Variants in FOXP2 observed in about 807,000 individuals in gnomAD.
FOXP2 encodes forkhead box P2.
Under a neutral mutation model 115.8 loss-of-function variants are expected in FOXP2, and 12 were observed. That is an observed-to-expected ratio of 0.10 (90% confidence interval 0.07 to 0.17). FOXP2 has a LOEUF of 0.17. Ranked by LOEUF, FOXP2 falls within the 10% of genes least tolerant of loss-of-function variation. The pLI, the probability that FOXP2 is intolerant of heterozygous loss-of-function variation, is 1.00. For synonymous variants in FOXP2, 328 were observed against 297.7 expected (o/e 1.10, Z -1.05); for missense variants, 629 against 843.5 (o/e 0.75, Z 3.15).
intron 6 of FOXP2, among the ~76,000 whole-genome samples, chr7:114,638,699 G>A (rs1422637657): frequency 6.6e-6 from 1 of 152,160 alleles, no homozygotes; most frequent in Non-Finnish European, 1.5e-5. Context: ...ACTAATGCCT[G>A]TGTTTCCCCT....
intron 2 of FOXP2, among the ~76,000 whole-genome samples, chr7:114,516,388 A>T (rs966942736): frequency 6.6e-6 from 1 of 152,156 alleles, no homozygotes; most frequent in African/African-American, 2.4e-5. Flanking sequence ...TCCCTTCCTT[A>T]CACCTTATAC....
chr7:114,507,100 T>G (rs1419356477), intron 2 of FOXP2, among the ~76,000 whole-genome samples: 1 of 151,832 alleles, frequency 6.6e-6, no homozygotes, highest in East Asian at 1.9e-4. Context: ...AAAGAAACAC[T>G]ATCAGTTGGT....
rs76738497 is a variant in FOXP2 at position 114,662,995 on chromosome 7, G to T, written c.1770-455G>T. On this transcript the variant is annotated intron_variant, in intron 14 of 16. Coordinates refer to ENST00000350908, the MANE Select transcript of FOXP2 (RefSeq NM_014491.4). ...TGCTAATATCTGCATTCAAGAAATA[G>T]TTAATCTATTATGTTGTCATTTAAT... 2.6e-5 allele frequency among the ~76,000 whole-genome samples: 4 copies of T among 152,048 alleles called. No individual in the cohort carries two copies. In the East Asian group the frequency reaches 7.7e-4, roughly 29 times the overall value.
chr7:114,458,904 G>A (rs548933844), intron 2 of FOXP2, among the ~76,000 whole-genome samples: 2 of 152,158 alleles, frequency 1.3e-5, no homozygotes, highest in African/African-American at 4.8e-5. Context: ...GACCGAGGGA[G>A]GTGCTGGCTA....
intron 1 of FOXP2, among the ~76,000 whole-genome samples, chr7:114,225,600 A>G (rs969994936): frequency 2.6e-5 from 4 of 151,936 alleles, no homozygotes; most frequent in African/African-American, 9.7e-5. Context: ...GCATGCCACC[A>G]TGCCAGGCTA....
At chr7:114,453,931 G>T (rs1477477718) in intron 2 of FOXP2, among the ~76,000 whole-genome samples, 2 of 151,916 alleles carry the variant, frequency 1.3e-5, no homozygotes, top group African/African-American at 4.8e-5. Flanking sequence ...GAAAACCTAG[G>T]CATTACCATT....
rs576917103 is a variant in FOXP2, at chr7:114,614,623, T to G, written c.259-13917T>G. Among the ~76,000 whole-genome samples the G allele has an allele frequency of 3.3e-5, 5 of 152,276 alleles. No individual in the cohort carries two copies. The East Asian group carries it at 7.7e-4, about 24-fold the overall frequency. ...GTTCTCTAGAATTTTTATGGTTTTATTTTTTACATTTATTTATTATATCTA... is the reference window on the plus strand; with the variant it reads ...GTTCTCTAGAATTTTTATGGTTTTAGTTTTTACATTTATTTATTATATCTA... On this transcript the variant is annotated intron_variant, in intron 3 of 16. Coordinates refer to ENST00000350908, the MANE Select transcript of FOXP2 (RefSeq NM_014491.4).
intron 2 of FOXP2, among the ~76,000 whole-genome samples, chr7:114,384,479 T>G (rs1792390772): frequency 6.6e-6 from 1 of 152,170 alleles, no homozygotes; most frequent in African/African-American, 2.4e-5. Flanking sequence ...TAACTCTGCT[T>G]CCACAAGAGT....
At chr7:114,093,215 C>T (rs1584474327) in intron 1 of FOXP2, among the ~76,000 whole-genome samples, 1 of 152,126 alleles carries the variant, frequency 6.6e-6, no homozygotes, top group South Asian at 2.1e-4. Context: ...AAGCTGACTC[C>T]TACTCCAGAG....
chr7:114,277,780 G>A (rs527886536), intron 1 of FOXP2, among the ~76,000 whole-genome samples: 22 of 151,720 alleles, frequency 1.5e-4, no homozygotes, highest in South Asian at 2.1e-4. Context: ...AGAAAGAGGC[G>A]GAGGTGGATG....
At chr7:114,469,025 G>T (rs1001161543) in intron 2 of FOXP2, among the ~76,000 whole-genome samples, 2 of 152,072 alleles carry the variant, frequency 1.3e-5, no homozygotes, top group Admixed American at 1.3e-4. Context: ...CAACTGAAAT[G>T]ACTCATTTTC....
chr7:114,641,064 G>A (rs1360552672), intron 6 of FOXP2, among the ~76,000 whole-genome samples: 2 of 152,030 alleles, frequency 1.3e-5, no homozygotes, highest in Admixed American at 6.6e-5. Flanking sequence ...TATTTTAATA[G>A]CAAATATACT....
At position 114,106,685 on chromosome 7, in the gene FOXP2, T is replaced by C. The variant is rs565898215; in HGVS notation, c.-247+18847T>C. On this transcript the variant is annotated intron_variant, in intron 1 of 19. Coordinates refer to the FOXP2 transcript ENST00000635638. Reference sequence around the variant, plus strand: ...GTCTTTATCTGAACCTGTATAACCTTGGAAACCTGAAACCTGAAACTTAAA... The same window carrying C: ...GTCTTTATCTGAACCTGTATAACCTCGGAAACCTGAAACCTGAAACTTAAA... Among the ~76,000 whole-genome samples the C allele has an allele frequency of 7.2e-5, 11 of 152,160 alleles. No homozygotes were observed. The South Asian group carries it at 2.3e-3, about 32-fold the overall frequency.
intron 1 of FOXP2, among the ~76,000 whole-genome samples, chr7:114,140,378 G>A (rs974522897): frequency 6.6e-6 from 1 of 152,268 alleles, no homozygotes; most frequent in Admixed American, 6.5e-5. Flanking sequence ...GTCCATTGAG[G>A]TGAATTATTT....
chr7:114,220,761 C>T (rs1794600294), intron 1 of FOXP2, among the ~76,000 whole-genome samples: 2 of 152,142 alleles, frequency 1.3e-5, no homozygotes, highest in Non-Finnish European at 2.9e-5. Context: ...ATGTTAAATA[C>T]TCACTTTAAT....
chr7:114,657,542 A>G (rs1220419834), intron 10 of FOXP2, among the ~76,000 whole-genome samples: 1 of 152,184 alleles, frequency 6.6e-6, no homozygotes, highest in South Asian at 2.1e-4. Context: ...TAGTAATGTC[A>G]TTACCATTCC....
chr7:114,306,602 T>C (rs1797018520), intron 2 of FOXP2, among the ~76,000 whole-genome samples: 1 of 152,200 alleles, frequency 6.6e-6, no homozygotes, highest in Admixed American at 6.5e-5. Context: ...AACCCTGCAC[T>C]ACATTAGTTT....
chr7:114,098,154 A>G (rs1024229304), intron 1 of FOXP2, among the ~76,000 whole-genome samples: 24 of 152,210 alleles, frequency 1.6e-4, no homozygotes, highest in African/African-American at 5.5e-4. Flanking sequence ...AATGTAACAG[A>G]AACCGGGGAG....
chr7:114,329,757 A>C (rs957067206), intron 2 of FOXP2, among the ~76,000 whole-genome samples: 1 of 149,466 alleles, frequency 6.7e-6, no homozygotes, highest in Non-Finnish European at 1.5e-5. Flanking sequence ...GCTCACTGCA[A>C]CCTCCGCCTC....
Sources: gnomAD v4.1 joint callset for allele counts (sites outside exome capture counted in the v4.1 genomes callset) on GRCh38, gnomAD v4.1.1 for gene constraint, MANE v1.5 for transcripts, NCBI Gene and HGNC (gene_info 2026-07-23, HGNC 2026-07-21) for gene names.